Variants in MYO16 observed in about 807,000 individuals in gnomAD.
The protein encoded by MYO16 is unconventional myosin-XVI.
A neutral mutation model predicts 205.3 loss-of-function variants in MYO16; 94 were observed. The observed-to-expected ratio is 0.46, with a 90% CI of 0.39 to 0.54. The LOEUF (loss-of-function observed/expected upper bound fraction) is 0.54. Among genes scored for constraint, MYO16 ranks in the 20% least tolerant of loss-of-function variants. MYO16 has a pLI of 0.00. For synonymous variants in MYO16, 988 were observed against 954.0 expected (o/e 1.04, Z -0.66); for missense variants, 2,315 against 2,387.5 (o/e 0.97, Z 0.63).
At chr13:108,570,841 A>G in the MYO16 span, among the ~76,000 whole-genome samples, 19 of 152,316 alleles carry the variant, frequency 1.2e-4, no homozygotes, top group African/African-American at 4.6e-4. Flanking sequence ...TGGCCATGCT[A>G]TGCTGTTTAG....
At chr13:109,047,951 A>G (rs542984617) in intron 24 of MYO16, among the ~76,000 whole-genome samples, 1 of 151,686 alleles carries the variant, frequency 6.6e-6, no homozygotes, top group East Asian at 1.9e-4. Context: ...AGCTAAAACT[A>G]ACAAAAAAAA....
intron 32 of MYO16, among the ~76,000 whole-genome samples, chr13:109,163,135 G>C (rs1184620344): frequency 6.8e-6 from 1 of 148,090 alleles, no homozygotes; most frequent in Non-Finnish European, 1.5e-5. Context: ...AGCGTTTCCT[G>C]CTCATAAATC....
At chr13:109,021,276 A>G (rs1886014505) in intron 23 of MYO16, among the ~76,000 whole-genome samples, 1 of 152,178 alleles carries the variant, frequency 6.6e-6, no homozygotes, top group Non-Finnish European at 1.5e-5. Context: ...AGAGTTACTA[A>G]GACAGTTACA....
intron 16 of MYO16, among the ~76,000 whole-genome samples, chr13:108,957,288 G>A (rs558017569): frequency 3.6e-4 from 54 of 148,978 alleles, no homozygotes; most frequent in Non-Finnish European, 6.5e-4. Context: ...AGAGGTTGAG[G>A]CAGGAGAAAC....
intron 8 of MYO16, among the ~76,000 whole-genome samples, chr13:108,822,688 A>G (rs1019193347): frequency 2.0e-5 from 3 of 152,178 alleles, no homozygotes; most frequent in African/African-American, 7.2e-5. Context: ...TTACTTGTAC[A>G]ACTACCCATT....
chr13:108,618,846 G>C (rs533317796), intron 1 of MYO16, among the ~76,000 whole-genome samples: 1 of 152,020 alleles, frequency 6.6e-6, no homozygotes, highest in South Asian at 2.1e-4. Flanking sequence ...ATTATAATTT[G>C]CATGCAGTAA....
chr13:108,970,442 C>T (rs556085295), intron 20 of MYO16, among the ~76,000 whole-genome samples: 73 of 152,234 alleles, frequency 4.8e-4, no homozygotes, highest in Admixed American at 9.8e-4. Context: ...GTTCTATGGA[C>T]GCTTTAATCC....
At chr13:108,701,794 CT>C (rs1403809638) in intron 2 of MYO16, among the ~76,000 whole-genome samples, 1 of 151,818 alleles carries the variant, frequency 6.6e-6, no homozygotes, top group Admixed American at 6.6e-5. Context: ...GTTCAAATAA[CT>C]AAAGAAAATT....
At chr13:108,686,200 A>G (rs7981853) in intron 2 of MYO16, among the ~76,000 whole-genome samples, 43,630 of 151,988 alleles carry the variant, frequency 0.29, 6,298 homozygotes, top group Middle Eastern at 0.4. Context: ...CTTGATGAGC[A>G]TCCCTGTCAT....
At chr13:108,569,617 T>G in the MYO16 span, among the ~76,000 whole-genome samples, 6 of 152,188 alleles carry the variant, frequency 3.9e-5, no homozygotes, top group African/African-American at 1.4e-4. Flanking sequence ...ACTTCTCCCT[T>G]TCCTCCAGAT....
At chr13:108,781,747 G>A (rs1020910417) in intron 4 of MYO16, among the ~76,000 whole-genome samples, 1 of 152,298 alleles carries the variant, frequency 6.6e-6, no homozygotes, top group Admixed American at 6.5e-5. Flanking sequence ...AGGGACCCAG[G>A]GGGAGGTAAT....
the MYO16 span, among the ~76,000 whole-genome samples, chr13:108,508,453 C>T: frequency 6.6e-6 from 1 of 151,938 alleles, no homozygotes; most frequent in African/African-American, 2.4e-5. Context: ...CCTGCTCCCT[C>T]TGGTGTTTAT....
Position 108,629,877 on chromosome 13 carries a change from G to C in MYO16, c.28+5G>C. 1.3e-6 allele frequency: 2 copies of C among 1,525,330 alleles called. No individual in the cohort carries two copies. The highest frequency in any genetic ancestry group is 1.8e-6 in the Non-Finnish European group (2 of 1,138,094). The allele number at this position is 1,525,330 out of a possible 1,614,324, so 94.5% of individuals were successfully genotyped here. On this transcript the variant is annotated splice_donor_5th_base_variant and intron_variant, in intron 1 of 34. Coordinates refer to ENST00000457511, the MANE Select transcript of MYO16 (RefSeq NM_001198950.3). Reference sequence around the variant, plus strand: ...ACTATCATTTTATCAAGTGCTGTAAGTAAGCTTGATATCTTGCTCATGTGG... The same window carrying C: ...ACTATCATTTTATCAAGTGCTGTAACTAAGCTTGATATCTTGCTCATGTGG...
chr13:108,773,286 A>G (rs1203775125), intron 4 of MYO16, among the ~76,000 whole-genome samples: 1 of 152,222 alleles, frequency 6.6e-6, no homozygotes, highest in African/African-American at 2.4e-5. Context: ...TATTAGATAA[A>G]GAGTATTGTG....
At chr13:109,048,934 A>G in intron 24 of MYO16, 1 of 148,128 alleles carries the variant, frequency 6.8e-6, no homozygotes, top group African/African-American at 2.5e-5. Context: ...TAAGATTAGA[A>G]GTAAAGTCTA....
chr13:108,589,520 G>T, the MYO16 span, among the ~76,000 whole-genome samples: 177 of 152,194 alleles, frequency 1.2e-3, 1 homozygote, highest in African/African-American at 4.0e-3. Context: ...TGTTTAGTCA[G>T]TAATCACTGT....
the MYO16 span, among the ~76,000 whole-genome samples, chr13:108,533,875 C>T: frequency 2.6e-5 from 4 of 152,186 alleles, no homozygotes; most frequent in African/African-American, 7.2e-5. Context: ...ACATATATAG[C>T]ACCCTGCAAA....
intron 2 of MYO16, among the ~76,000 whole-genome samples, chr13:108,702,933 T>C (rs2139523791): frequency 6.6e-6 from 1 of 152,124 alleles, no homozygotes; most frequent in African/African-American, 2.4e-5. Context: ...AAATAAATAA[T>C]ATATGAAAAT....
At chr13:108,857,289 T>C (rs1427400155) in intron 11 of MYO16, among the ~76,000 whole-genome samples, 5 of 152,222 alleles carry the variant, frequency 3.3e-5, no homozygotes, top group African/African-American at 1.2e-4. Flanking sequence ...TTTGTTAACA[T>C]CTGGTTCCTG....
Sources: gnomAD v4.1 joint callset for allele counts (sites outside exome capture counted in the v4.1 genomes callset) on GRCh38, gnomAD v4.1.1 for gene constraint, MANE v1.5 for transcripts, NCBI Gene and HGNC (gene_info 2026-07-23, HGNC 2026-07-21) for gene names.